The following AFMID variants were observed in gnomAD, a reference collection of about 807,000 sequenced individuals.
AFMID encodes the protein arylformamidase.
AFMID carries 39 observed loss-of-function variants against 47.5 expected under a neutral mutation model. The observed-to-expected ratio is 0.82, with a 90% confidence interval of 0.64 to 1.07. The LOEUF (loss-of-function observed/expected upper bound fraction) is 1.07. Among genes scored for constraint, AFMID ranks in the 50% least tolerant of loss-of-function variants. The pLI is 0.00. For synonymous variants in AFMID, 130 were observed against 153.2 expected, an observed-to-expected ratio of 0.85 and a Z score of 1.12; for missense variants, 375 against 387.5, an observed-to-expected ratio of 0.97 and a Z score of 0.27.
intron 1 of AFMID, among the ~76,000 whole-genome samples, chr17:78,189,830 G>GTTTTT (rs770053983): frequency 1.8e-5 from 2 of 109,470 alleles, no homozygotes; most frequent in Non-Finnish European, 1.9e-5. Context: ...TTTTCTGTTG[G>GTTTTT]TTTTTTTTTT....
intron 2 of AFMID, among the ~76,000 whole-genome samples, chr17:78,199,625 G>A (rs934645384): frequency 6.6e-6 from 1 of 151,948 alleles, no homozygotes; most frequent in Non-Finnish European, 1.5e-5. Flanking sequence ...CACCCGCCTC[G>A]GCCTCCCAAA....
rs1372877617 is a variant in AFMID at position 78,207,053 on chromosome 17, G to T, written c.*116G>T. The T allele has an allele frequency of 8.8e-7, 1 of 1,136,220 alleles. No individual in the cohort carries two copies. The highest frequency in any genetic ancestry group is 1.3e-6 in the Non-Finnish European group (1 of 751,272). 70.4% of individuals were successfully genotyped at this position (1,136,220 alleles called of 1,614,324 possible). A position where few individuals can be genotyped will look rare whatever the true frequency, so the allele number is the denominator to read the frequency against. ...TTCCCCCAGCACCCAGGAGAGCCTT[G>T]CTGTGTCTGTCTGCCCGGCAAGAGT... On this transcript the variant is annotated 3_prime_UTR_variant, in exon 11 of 11. Transcript: ENST00000409257.
At chr17:78,189,871 G>C (rs148480131) in intron 1 of AFMID, among the ~76,000 whole-genome samples, 1 of 125,216 alleles carries the variant, frequency 8.0e-6, no homozygotes, top group African/African-American at 3.0e-5. Flanking sequence ...TCACTCTGTC[G>C]CCCAGGCTGG....
intron 2 of AFMID, among the ~76,000 whole-genome samples, chr17:78,192,199 T>G (rs767049449): frequency 5.2e-4 from 76 of 147,492 alleles, no homozygotes; most frequent in Non-Finnish European, 8.3e-4. Flanking sequence ...TTAGTAGAGA[T>G]ATGGTTTCTC....
chr17:78,187,403 C>T lies in AFMID; in HGVS notation c.33C>T (p.Ser11=). The T allele has an allele frequency of 6.2e-7, 1 of 1,613,886 alleles. No individual in the cohort carries two copies. The highest frequency in any genetic ancestry group is 1.7e-4 in the Middle Eastern group (1 of 6,058). The change falls in exon 1 of 11, where the codon AGC becomes AGT. Residue 11 remains serine (S), a synonymous_variant. Transcript: ENST00000409257. Reference sequence around the variant, plus strand: ...ATGTGTCTGGTGTGGGTTTCCCAAGCAAGGTTCCTTGGAAGAAGATGTCTG... The same window carrying T: ...ATGTGTCTGGTGTGGGTTTCCCAAGTAAGGTTCCTTGGAAGAAGATGTCTG... MMDVSGVGFP[S]KVPWKKMSAE...
At chr17:78,195,265 T>C (rs1224854249) in intron 2 of AFMID, among the ~76,000 whole-genome samples, 1 of 151,132 alleles carries the variant, frequency 6.6e-6, no homozygotes, top group Non-Finnish European at 1.5e-5. Context: ...TGCTATGTCA[T>C]CTCACTGCAA....
rs574141262 is a variant in AFMID at position 78,199,129 on chromosome 17, G to C, written c.155-3370G>C. 1.8e-4 allele frequency among the ~76,000 whole-genome samples: 28 copies of C among 152,348 alleles called. 1 individual carries two copies. The South Asian group carries it at 2.7e-3, about 15-fold the overall frequency. ...CGTGGGTGCTGGCAAAACAGGTTTT[G>C]CAACCTCACTGGCGTTCTGCAAAGG... On this transcript the variant is annotated intron_variant, in intron 2 of 10. Coordinates refer to ENST00000409257, the MANE Select transcript of AFMID (RefSeq NM_001010982.5).
intron 7 of AFMID, 58 bp downstream of exon 7, chr17:78,205,248 G>A (rs907554940): frequency 9.0e-5 from 139 of 1,545,950 alleles, no homozygotes; most frequent in Non-Finnish European, 1.2e-4. Context: ...GAGCCTTGGG[G>A]TTTGGGCCAA....
intron 1 of AFMID, among the ~76,000 whole-genome samples, chr17:78,187,983 A>AAAAAAAAAAAAAAAAAAAAAAAAC (rs2075846861): frequency 7.2e-6 from 1 of 138,716 alleles, no homozygotes; most frequent in Non-Finnish European, 1.6e-5. Flanking sequence ...AAAAAAAAAA[A>AAAAAAAAAAAAAAAAAAAAAAAAC]AAAAAATCCA....
chr17:78,202,514 G>T lies in AFMID; in HGVS notation c.170G>T (p.Arg57Leu), dbSNP rs146611868. 2 of 1,614,000 alleles carry T rather than the reference G, an allele frequency of 1.2e-6. No homozygotes were observed. Among genetic ancestry groups the T allele is most frequent in the African/African-American group, 1.3e-5 (1 of 74,912 alleles). ...TCTGAGACAGCCACCACAAGGGCCCGGGCCACCAGGAAGAGCCTGCTGCAT... is the reference window on the plus strand; with the variant it reads ...TCTGAGACAGCCACCACAAGGGCCCTGGCCACCAGGAAGAGCCTGCTGCAT... ...QIGIEATTRA[R>L]ATRKSLLHVP... The change falls in exon 3 of 11, where the codon CGG becomes CTG. Residue 57 changes from arginine (R) to leucine (L), a missense_variant. Arg to Leu is a moderately radical substitution (Grantham distance 102). Transcript: ENST00000409257.
At chr17:78,192,175 ATTT>A (rs201019004) in intron 2 of AFMID, among the ~76,000 whole-genome samples, 1 of 124,118 alleles carries the variant, frequency 8.1e-6, no homozygotes. Flanking sequence ...AGTGTTTTGT[ATTT>A]TTTTTTTTTT....
chr17:78,187,411 C>T lies in AFMID; in HGVS notation c.41C>T (p.Pro14Leu), dbSNP rs368272932. The T allele has an allele frequency of 2.9e-5, 46 of 1,613,856 alleles. No homozygotes were observed. In the East Asian group the frequency reaches 9.2e-4, roughly 32 times the overall value. Residue 14 changes from proline (P) to leucine (L), a missense_variant, in exon 1 of 11, where the codon CCT becomes CTT. By Grantham distance (98) the Pro-to-Leu change is moderately conservative. Transcript: ENST00000409257. ...GGTGTGGGTTTCCCAAGCAAGGTTC[C>T]TTGGAAGAAGATGTCTGCAGAGGTA... ...VSGVGFPSKV[P>L]WKKMSAEELE... is the part of the protein sequence containing the mutation.
At chr17:78,197,224 C>T in intron 2 of AFMID, 3 of 1,550,284 alleles carry the variant, frequency 1.9e-6, no homozygotes, top group Non-Finnish European at 2.6e-6. Flanking sequence ...ACATTGTCTT[C>T]ACACTGTGCT....
chr17:78,204,681 C>T lies in AFMID; in HGVS notation c.334C>T (p.His112Tyr), dbSNP rs770209044. 3 of 1,614,154 alleles carry T rather than the reference C, an allele frequency of 1.9e-6. No homozygotes were observed. Among genetic ancestry groups the T allele is most frequent in the Admixed American group, 3.3e-5 (2 of 60,020 alleles). Residue 112 changes from histidine (H) to tyrosine (Y), a missense_variant, in exon 5 of 11, where the codon CAC becomes TAC. Physicochemically the swap from His to Tyr is moderately conservative, Grantham distance 83 (BLOSUM62 2). Transcript: ENST00000409257. ...TAAGGATGAGTCTGCCTTCATGGTC[C>T]ACCCGCTGACGGCACAGGGAGTGGC... Reference protein sequence around the residue: ...GSKDESAFMVHPLTAQGVAVV... With the variant: ...GSKDESAFMVYPLTAQGVAVV...
In AFMID at chr17:78,206,009, A is replaced by G. The variant is rs1480685331; in HGVS notation, c.844A>G (p.Ile282Val). 6 of 1,613,916 alleles carry G rather than the reference A, an allele frequency of 3.7e-6. No individual in the cohort carries two copies. Among genetic ancestry groups the G allele is most frequent in the Non-Finnish European group, 5.1e-6 (6 of 1,180,016 alleles). The change falls in exon 10 of 11, where the codon ATT (isoleucine) becomes GTT (valine). Residue 282 changes from isoleucine (I) to valine (V), a missense_variant. By Grantham distance (29) the Ile-to-Val change is conservative (BLOSUM62 3). Coordinates refer to ENST00000409257, the MANE Select transcript of AFMID (RefSeq NM_001010982.5). Reference sequence around the variant, plus strand: ...GCTCCACGATGTGGACCACTTTGAAATTGTTGAGAATCTGACCCAGAAGGA... The same window carrying G: ...GCTCCACGATGTGGACCACTTTGAAGTTGTTGAGAATCTGACCCAGAAGGA... ...EELHDVDHFE[I>V]VENLTQKDNV...
intron 2 of AFMID, chr17:78,197,162 G>A: frequency 6.4e-7 from 1 of 1,550,522 alleles, no homozygotes; most frequent in East Asian, 2.4e-5. Flanking sequence ...GAACTCCTGT[G>A]TGAATTAAAT....
intron 2 of AFMID, among the ~76,000 whole-genome samples, chr17:78,196,380 G>T (rs1429199787): frequency 6.7e-6 from 1 of 149,668 alleles, no homozygotes; most frequent in African/African-American, 2.5e-5. Flanking sequence ...AAAAAGAAAA[G>T]AAATTATTTC....
intron 2 of AFMID, 82 bp from the exon 3 acceptor site, chr17:78,202,417 A>G (rs1599009903): frequency 1.4e-6 from 2 of 1,395,918 alleles, no homozygotes; most frequent in East Asian, 4.6e-5. Context: ...CAACAGAGTG[A>G]GACTTCGTCT....
intron 4 of AFMID, among the ~76,000 whole-genome samples, chr17:78,204,437 C>T (rs572132419): frequency 2.0e-5 from 3 of 152,276 alleles, no homozygotes; most frequent in African/African-American, 7.2e-5. Context: ...GAGGCCCTAT[C>T]GCTTAGAAAA....
Sources: gnomAD v4.1 joint callset for allele counts (sites outside exome capture counted in the v4.1 genomes callset) on GRCh38, gnomAD v4.1.1 for gene constraint, MANE v1.5 for transcripts, NCBI Gene and HGNC (gene_info 2026-07-23, HGNC 2026-07-21) for gene names.